PCDHA8: variants seen among roughly 807,000 people sequenced by gnomAD.
PCDHA8 encodes protocadherin alpha 8.
PCDHA8 carries 53 observed loss-of-function variants against 61.8 expected under a neutral mutation model. That is an observed-to-expected ratio of 0.86 (90% CI 0.69 to 1.08). The LOEUF is 1.08. Among genes scored for constraint, PCDHA8 ranks in the 50% least tolerant of loss-of-function variants. The probability of loss-of-function intolerance (pLI) is 0.00; values close to 1 mark genes in which losing one functional copy is unlikely to be tolerated. For synonymous variants in PCDHA8, 618 were observed against 556.6 expected, an observed-to-expected ratio of 1.11 and a Z score of -1.55; for missense variants, 1,293 against 1,245.0, an observed-to-expected ratio of 1.04 and a Z score of -0.58.
chr5:141,003,724 A>C (rs575036478), intron 3 of PCDHA8, among the ~76,000 whole-genome samples: 2 of 151,950 alleles, frequency 1.3e-5, no homozygotes, highest in African/African-American at 4.8e-5. Flanking sequence ...CGGCTAATCC[A>C]ATAAAAAAGC....
chr5:140,930,654 C>T (rs1229167848), intron 1 of PCDHA8, among the ~76,000 whole-genome samples: 1 of 152,106 alleles, frequency 6.6e-6, no homozygotes, highest in Non-Finnish European at 1.5e-5. Context: ...ATGAAGCATT[C>T]CTTGTTTTAC....
chr5:140,882,572 T>C, intron 1 of PCDHA8: 1 of 1,614,106 alleles, frequency 6.2e-7, no homozygotes, highest in Non-Finnish European at 8.5e-7. Flanking sequence ...GAGCGCGGAG[T>C]GCAGCATCCA....
chr5:140,994,788 C>G (rs139745274), intron 3 of PCDHA8, among the ~76,000 whole-genome samples: 1 of 152,194 alleles, frequency 6.6e-6, no homozygotes, highest in East Asian at 1.9e-4. Context: ...GGAAACAATG[C>G]GTGCATGCAA....
intron 1 of PCDHA8, chr5:140,876,494 T>C: frequency 1.2e-6 from 2 of 1,614,062 alleles, no homozygotes; most frequent in African/African-American, 1.3e-5. Flanking sequence ...GTGGAAGTTC[T>C]GGACGTGAAT....
intron 1 of PCDHA8, among the ~76,000 whole-genome samples, chr5:140,913,960 TA>T (rs201352444): frequency 2.0e-5 from 3 of 152,168 alleles, no homozygotes; most frequent in Non-Finnish European, 2.9e-5. Context: ...ATATCATTTT[TA>T]AAAAAATATT....
At chr5:140,936,849 G>A (rs927747848) in intron 1 of PCDHA8, among the ~76,000 whole-genome samples, 1 of 152,006 alleles carries the variant, frequency 6.6e-6, no homozygotes, top group Non-Finnish European at 1.5e-5. Context: ...TGTAGATTCA[G>A]CTTCTCAGTT....
rs199529084 is a variant in PCDHA8, at chr5:140,856,259, G to C, written c.2394+12544G>C. The C allele has an allele frequency of 2.8e-5, 44 of 1,598,088 alleles. 4 individuals are homozygous for C. Among genetic ancestry groups the C allele is most frequent in the Non-Finnish European group, 3.5e-5 (41 of 1,167,866 alleles). Reference sequence around the variant, plus strand: ...GTTCCGGGTGGCGTCCAAAAGACACGGGGACCTTCTGGAGGTAAATCTGCA... The same window carrying C: ...GTTCCGGGTGGCGTCCAAAAGACACCGGGACCTTCTGGAGGTAAATCTGCA... On this transcript the variant is annotated intron_variant, in intron 1 of 3. Coordinates refer to ENST00000531613, the MANE Select transcript of PCDHA8 (RefSeq NM_018911.3).
At chr5:140,983,720 T>G (rs1563510266) in intron 3 of PCDHA8, among the ~76,000 whole-genome samples, 1 of 152,228 alleles carries the variant, frequency 6.6e-6, no homozygotes, top group Non-Finnish European at 1.5e-5. Context: ...AGCACTTATA[T>G]TCATAACATG....
At chr5:140,965,037 C>T (rs1260839947) in intron 1 of PCDHA8, among the ~76,000 whole-genome samples, 1 of 152,142 alleles carries the variant, frequency 6.6e-6, no homozygotes, top group African/African-American at 2.4e-5. Context: ...TAACTGTCCG[C>T]TCTAGGAGGG....
chr5:140,942,840 T>C (rs75984395), intron 1 of PCDHA8, among the ~76,000 whole-genome samples: 6,117 of 152,206 alleles, frequency 0.04, 136 homozygotes, highest in Non-Finnish European at 0.052. Context: ...CAATAAAAAT[T>C]CCAGTAAGAT....
At chr5:140,926,391 A>G (rs76822698) in intron 1 of PCDHA8, 1 of 152,346 alleles carries the variant, frequency 6.6e-6, no homozygotes, top group East Asian at 1.9e-4. Context: ...GGGCTCAGCC[A>G]CAGTTATCAG....
chr5:140,930,411 A>C (rs1554207797), intron 1 of PCDHA8: 2 of 149,218 alleles, frequency 1.3e-5, no homozygotes, highest in African/African-American at 2.5e-5. Context: ...TTTTTGAGAC[A>C]GGGGTCTCAC....
At chr5:140,982,592 C>G (rs376230429) in intron 3 of PCDHA8, 29 bp downstream of exon 3, 3 of 1,610,372 alleles carry the variant, frequency 1.9e-6, no homozygotes, top group Non-Finnish European at 2.5e-6. Flanking sequence ...TCCATTCTTT[C>G]TTGGTTTCTG....
At chr5:140,858,512 T>C in intron 1 of PCDHA8, 1 of 1,426,790 alleles carries the variant, frequency 7.0e-7, no homozygotes, top group Non-Finnish European at 9.7e-7. Flanking sequence ...CTCAAATATG[T>C]ATCAGAATAT....
At position 140,842,051 on chromosome 5, in the gene PCDHA8, C is replaced by A; in HGVS notation, c.730C>A (p.Gln244Lys). The A allele has an allele frequency of 6.2e-7, 1 of 1,613,852 alleles. No individual in the cohort carries two copies. Among genetic ancestry groups the A allele is most frequent in the Non-Finnish European group, 8.5e-7 (1 of 1,179,862 alleles). Residue 244 changes from glutamine (Q) to lysine (K), a missense_variant, in exon 1 of 4, where the codon CAG becomes AAG. Physicochemically the swap from Gln to Lys is moderately conservative, Grantham distance 53. Transcript: ENST00000531613. ...DVNDNAPTFE[Q>K]SEYEVRIFEN... ...GAATGATAATGCTCCCACTTTCGAA[C>A]AGTCTGAATACGAAGTAAGAATATT...
rs782673373 is a variant in PCDHA8 at position 140,858,110 on chromosome 5, G to A, written c.2394+14395G>A. On this transcript the variant is annotated intron_variant, in intron 1 of 3. Transcript: ENST00000531613. ...GCGGGCTTCAGTGGGCGTGGCGCCC[G>A]AGGTGGCCCTGGTGGATGTCAACGT... 5.6e-6 allele frequency: 9 copies of A among 1,597,760 alleles called. 1 individual carries two copies. The highest frequency in any genetic ancestry group is 3.4e-5 in the Admixed American group (2 of 59,350).
intron 1 of PCDHA8, chr5:140,884,122 G>A (rs1212118784): frequency 6.2e-7 from 1 of 1,613,306 alleles, no homozygotes; most frequent in East Asian, 2.2e-5. Flanking sequence ...CGGTCGGCGC[G>A]CGCATCCCGT....
rs781871079 is a variant in PCDHA8, at chr5:140,857,427, C to T, written c.2394+13712C>T. 3 of 1,598,334 alleles carry T rather than the reference C, an allele frequency of 1.9e-6. No individual in the cohort carries two copies. In the East Asian group the frequency reaches 6.7e-5, roughly 36 times the overall value. ...CCTGCGTTCGCGCAGTCCGAGTACA[C>T]GGTGTTCGTGAAGGAGAACAACCCG... On this transcript the variant is annotated intron_variant, in intron 1 of 3. Coordinates refer to ENST00000531613, the MANE Select transcript of PCDHA8 (RefSeq NM_018911.3).
chr5:140,934,580 T>C lies in PCDHA8; in HGVS notation c.2395-44369T>C, dbSNP rs531235009. 3.9e-5 allele frequency among the ~76,000 whole-genome samples: 6 copies of C among 152,296 alleles called. No individual in the cohort carries two copies. In the East Asian group the frequency reaches 1.2e-3, roughly 29 times the overall value. On this transcript the variant is annotated intron_variant, in intron 1 of 3. Transcript: ENST00000531613. ...CTTTTTTTTAATTAATTGTAACATT[T>C]CTGTAATGGGTCTTCAACTATTTGA...
Sources: allele counts gnomAD v4.1 joint callset (sites outside exome capture counted in the v4.1 genomes callset), GRCh38; gene constraint gnomAD v4.1.1; transcripts MANE v1.5; gene names NCBI Gene and HGNC (gene_info 2026-07-23, HGNC 2026-07-21).